The following ATAD1 variants were observed in gnomAD, a reference collection of about 807,000 sequenced individuals.
ATAD1 encodes the protein outer mitochondrial transmembrane helix translocase.
In ATAD1, 18 loss-of-function variants were observed where a neutral mutation model predicts 42.7. That is an observed-to-expected ratio of 0.42 (90% CI 0.29 to 0.63). The LOEUF is 0.63. Ranked by LOEUF, ATAD1 falls within the 20% of genes least tolerant of loss-of-function variation. The pLI is 0.19. For synonymous variants in ATAD1, 132 were observed against 143.1 expected, an observed-to-expected ratio of 0.92 and a Z score of 0.55; for missense variants, 294 against 440.4, an observed-to-expected ratio of 0.67 and a Z score of 2.98.
At chr10:87,782,580 C>T (rs1855619085) in intron 5 of ATAD1, among the ~76,000 whole-genome samples, 3 of 152,012 alleles carry the variant, frequency 2.0e-5, no homozygotes, top group African/African-American at 7.3e-5. Flanking sequence ...TAGAGATTAC[C>T]CTTGACTTTT....
At chr10:87,783,420 G>C (rs1855665970) in intron 5 of ATAD1, among the ~76,000 whole-genome samples, 1 of 151,062 alleles carries the variant, frequency 6.6e-6, no homozygotes, top group African/African-American at 2.4e-5. Flanking sequence ...CTCTGTTCAA[G>C]ATGCACACCA....
chr10:87,784,392 T>C lies in ATAD1; in HGVS notation c.583+78A>G. 4 of 1,348,642 alleles carry C rather than the reference T, an allele frequency of 3.0e-6. No homozygotes were observed. In the Admixed American group the frequency reaches 7.4e-5, roughly 25 times the overall value. The allele number at this position is 1,348,642 out of a possible 1,614,324, so 83.5% of individuals were successfully genotyped here. ...TGTTTTATTAACATGGCCTAATAAA[T>C]GTTAAAAACTAAATCTGGTTATCTA... On this transcript the variant is annotated intron_variant, in intron 5 of 9. Transcript: ENST00000680024.
chr10:87,757,990 C>G (rs1256312978), intron 8 of ATAD1, among the ~76,000 whole-genome samples: 1 of 152,078 alleles, frequency 6.6e-6, no homozygotes, highest in Non-Finnish European at 1.5e-5. Context: ...ACCCAGAGGG[C>G]AGGAGTGCAA....
At chr10:87,814,899 T>C (rs1857345715) in intron 1 of ATAD1, 1 of 183,166 alleles carries the variant, frequency 5.5e-6, no homozygotes, top group African/African-American at 2.4e-5. Flanking sequence ...TATCTTAAGG[T>C]ATTTACTCAA....
At chr10:87,817,726 G>C (rs1857487534) in intron 1 of ATAD1, 4 of 985,226 alleles carry the variant, frequency 4.1e-6, no homozygotes, top group Non-Finnish European at 4.8e-6. Flanking sequence ...TTGTGAAAGC[G>C]TGCCCGGCCC....
intron 5 of ATAD1, among the ~76,000 whole-genome samples, chr10:87,778,194 A>AC (rs1564750794): frequency 1.3e-5 from 2 of 150,428 alleles, no homozygotes; most frequent in African/African-American, 4.9e-5. Context: ...AAAAAAAAAA[A>AC]AAAAAACTCA....
chr10:87,839,872 C>T (rs1292364264), intron 1 of ATAD1, among the ~76,000 whole-genome samples: 4 of 152,046 alleles, frequency 2.6e-5, no homozygotes, highest in Non-Finnish European at 5.9e-5. Flanking sequence ...CTGTCAACAC[C>T]TCTCATCTTT....
chr10:87,774,463 C>G (rs1855195369), intron 6 of ATAD1, among the ~76,000 whole-genome samples: 1 of 151,998 alleles, frequency 6.6e-6, no homozygotes, highest in African/African-American at 2.4e-5. Flanking sequence ...TAAGCAAGAG[C>G]CTATCAAAAC....
At chr10:87,816,646 G>A (rs1857427655) in intron 1 of ATAD1, among the ~76,000 whole-genome samples, 1 of 152,100 alleles carries the variant, frequency 6.6e-6, no homozygotes, top group South Asian at 2.1e-4. Context: ...ACCAAAGTGT[G>A]CTATCTTCCA....
intron 4 of ATAD1, among the ~76,000 whole-genome samples, chr10:87,790,005 A>G (rs1856019907): frequency 6.6e-6 from 1 of 152,192 alleles, no homozygotes; most frequent in South Asian, 2.1e-4. Flanking sequence ...AACAAAACAA[A>G]AAACTTGTAT....
chr10:87,808,477 G>C lies in ATAD1; in HGVS notation c.162+5961C>G, dbSNP rs1160982798. Among the ~76,000 whole-genome samples, 3 of 152,154 alleles carry C rather than the reference G, an allele frequency of 2.0e-5. No individual in the cohort carries two copies. The East Asian group carries it at 5.8e-4, about 29-fold the overall frequency. ...CAAGTTAAAGATCGCCTGAAGCCGG[G>C]AGGCAGAGGTTGCAGTGAGCCAAAA... On this transcript the variant is annotated intron_variant, in intron 2 of 9. Coordinates refer to ENST00000680024, the MANE Select transcript of ATAD1 (RefSeq NM_001321967.2).
rs562240627 is a variant in ATAD1, at chr10:87,814,426, T to C, written c.162+12A>G. ...CCACAAGAAAAATGATCTTCAAACATTTCAATCATACCTGTTTCTGAGCTT... is the reference window on the plus strand; with the variant it reads ...CCACAAGAAAAATGATCTTCAAACACTTCAATCATACCTGTTTCTGAGCTT... On this transcript the variant is annotated intron_variant, in intron 2 of 9. Transcript: ENST00000680024. 1.8e-4 allele frequency: 285 copies of C among 1,565,172 alleles called. 1 individual carries two copies. The highest frequency in any genetic ancestry group is 3.6e-4 in the Middle Eastern group (2 of 5,550).
chr10:87,833,898 TAG>T (rs371388035), intron 1 of ATAD1, among the ~76,000 whole-genome samples: 1 of 152,166 alleles, frequency 6.6e-6, no homozygotes, highest in African/African-American at 2.4e-5. Flanking sequence ...CTAATTTTTG[TAG>T]AGATAGGGTT....
At chr10:87,785,575 A>G (rs1855785200) in intron 4 of ATAD1, among the ~76,000 whole-genome samples, 1 of 150,922 alleles carries the variant, frequency 6.6e-6, no homozygotes, top group Non-Finnish European at 1.5e-5. Flanking sequence ...CCTATGAAAC[A>G]GTATTTTTTA....
Position 87,767,742 on chromosome 10 carries a change from C to A in ATAD1, c.781-19G>T. On this transcript the variant is annotated intron_variant, in intron 7 of 9. Transcript: ENST00000680024. ...TTAAAGCCTAAAAGCAGGATAATTTCCAGTTAGCATTTTTATTTTTTATTT... is the reference window on the plus strand; with the variant it reads ...TTAAAGCCTAAAAGCAGGATAATTTACAGTTAGCATTTTTATTTTTTATTT... The A allele has an allele frequency of 6.3e-7, 1 of 1,590,074 alleles. No individual in the cohort carries two copies.
chr10:87,819,263 CAAAA>C (rs57941047), upstream of ATAD1: 26 of 53,712 alleles, frequency 4.8e-4, no homozygotes, highest in African/African-American at 1.6e-3. Flanking sequence ...ATCGTCTCTA[CAAAA>C]AAAAAAAAAA....
At chr10:87,781,565 C>T (rs1221749693) in intron 5 of ATAD1, among the ~76,000 whole-genome samples, 2 of 152,154 alleles carry the variant, frequency 1.3e-5, no homozygotes, top group African/African-American at 4.8e-5. Context: ...AAAAACAAAA[C>T]AGTATGTCTT....
chr10:87,818,256 G>A (rs1005575153), upstream of ATAD1: 4 of 985,450 alleles, frequency 4.1e-6, no homozygotes, highest in Non-Finnish European at 4.8e-6. Context: ...CCGGCGGGAG[G>A]CGCGGCGCAC....
At position 87,752,544 on chromosome 10, in the gene ATAD1, C is replaced by T. The variant is rs1004549281; in HGVS notation, c.*2143G>A. ...ACAGATGAGAAACTGGGCTCACAGA[C>T]ACACAGTTAATGGGGAGCCTGAGTT... On this transcript the variant is annotated 3_prime_UTR_variant, in exon 10 of 10. Coordinates refer to ENST00000680024, the MANE Select transcript of ATAD1 (RefSeq NM_001321967.2). 7.3e-6 allele frequency: 1 copy of T among 137,674 alleles called. No homozygotes were observed. The highest frequency in any genetic ancestry group is 1.6e-5 in the Non-Finnish European group (1 of 61,266). 8.5% of individuals were successfully genotyped at this position (137,674 alleles called of 1,614,324 possible). A position where few individuals can be genotyped will look rare whatever the true frequency, so the allele number is the denominator to read the frequency against.
Sources: gnomAD v4.1 joint callset for allele counts (sites outside exome capture counted in the v4.1 genomes callset) on GRCh38, gnomAD v4.1.1 for gene constraint, MANE v1.5 for transcripts, NCBI Gene and HGNC (gene_info 2026-07-23, HGNC 2026-07-21) for gene names.